The following STXBP5L variants were observed in gnomAD, a reference collection of about 807,000 sequenced individuals.
STXBP5L encodes the protein syntaxin-binding protein 5-like.
A neutral mutation model predicts 144.5 loss-of-function variants in STXBP5L; 65 were observed. The observed-to-expected ratio is 0.45, with a 90% CI of 0.37 to 0.55. The LOEUF is 0.55. Among genes scored for constraint, STXBP5L ranks in the 20% least tolerant of loss-of-function variants. The probability of loss-of-function intolerance (pLI) is 0.00; values close to 1 mark genes in which losing one functional copy is unlikely to be tolerated. For missense variants in STXBP5L, 1,298 were observed against 1,405.5 expected, an observed-to-expected ratio of 0.92 and a Z score of 1.22; for synonymous variants, 505 against 469.6, an observed-to-expected ratio of 1.08 and a Z score of -0.97.
chr3:121,081,730 G>A (rs2042257022), intron 5 of STXBP5L, among the ~76,000 whole-genome samples: 1 of 152,204 alleles, frequency 6.6e-6, no homozygotes, highest in African/African-American at 2.4e-5. Flanking sequence ...GCTAAGGCAG[G>A]TTGAGGAGAC....
At position 121,415,951 on chromosome 3, in the gene STXBP5L, T is replaced by C; in HGVS notation, c.3209T>C (p.Phe1070Ser). 6.2e-7 allele frequency: 1 copy of C among 1,612,958 alleles called. No homozygotes were observed. The highest frequency in any genetic ancestry group is 1.1e-5 in the South Asian group (1 of 90,964). The change falls in exon 25 of 27, where the codon TTT (phenylalanine) becomes TCT (serine). Residue 1070 changes from phenylalanine (F) to serine (S), a missense_variant. Phe to Ser is a radical substitution (Grantham distance 155, BLOSUM62 -2). Coordinates refer to ENST00000471454, the MANE Select transcript of STXBP5L (RefSeq NM_001308330.2). ...CTGTTTGGTGGAAGCGGACAAACAT[T>C]TGACAGAGAAGAGCTCTGTGAGTAA... ...KGLFGGSGQT[F>S]DREELFGEAS...
Position 121,320,701 on chromosome 3 carries a change from C to CT in STXBP5L, c.2176+2180dup, listed in dbSNP as rs533248342. Reference sequence around the variant, plus strand: ...ACCACCACAACGCACAACGACCACACTTTTTTTTTTTTTTTTTTTAGACGG... The same window carrying CT: ...ACCACCACAACGCACAACGACCACACTTTTTTTTTTTTTTTTTTTTAGACGG... On this transcript the variant is annotated intron_variant, in intron 20 of 26. Transcript: ENST00000471454. Among the ~76,000 whole-genome samples, 1,304 of 134,868 alleles carry CT rather than the reference C, an allele frequency of 9.7e-3. 9 individuals are homozygous for CT. Among genetic ancestry groups the CT allele is most frequent in the South Asian group, 0.012 (49 of 4,146 alleles). 88.5% of individuals were successfully genotyped at this position (134,868 alleles called of 152,430 possible).
intron 9 of STXBP5L, among the ~76,000 whole-genome samples, chr3:121,192,085 GA>G (rs1482917831): frequency 4.6e-5 from 7 of 152,094 alleles, no homozygotes; most frequent in Admixed American, 1.3e-4. Flanking sequence ...GCCTAGAACC[GA>G]AAGTATAATT....
chr3:121,107,029 A>G (rs895191840), intron 5 of STXBP5L, among the ~76,000 whole-genome samples: 4 of 151,598 alleles, frequency 2.6e-5, no homozygotes, highest in African/African-American at 4.8e-5. Flanking sequence ...TTTTGGACGC[A>G]TGGATGTTAT....
chr3:121,193,181 CA>C (rs998451717), intron 9 of STXBP5L, among the ~76,000 whole-genome samples: 1 of 142,754 alleles, frequency 7.0e-6, no homozygotes, highest in African/African-American at 2.6e-5. Context: ...AGACACTTCT[CA>C]AAAAAAGACA....
rs904523641 is a variant in STXBP5L at position 121,191,020 on chromosome 3, A to G, written c.878-14903A>G. Among the ~76,000 whole-genome samples, 4 of 142,238 alleles carry G rather than the reference A, an allele frequency of 2.8e-5. No homozygotes were observed. In the South Asian group the frequency reaches 9.3e-4, roughly 33 times the overall value. 93.3% of individuals were successfully genotyped at this position (142,238 alleles called of 152,430 possible). A position where few individuals can be genotyped will look rare whatever the true frequency, so the allele number is the denominator to read the frequency against. On this transcript the variant is annotated intron_variant, in intron 9 of 26. Transcript: ENST00000471454. ...AGACGCTCCTCACTTCCTAGACGGGATGACTGCTGGGAAGAGGCGCTCCTC... is the reference window on the plus strand; with the variant it reads ...AGACGCTCCTCACTTCCTAGACGGGGTGACTGCTGGGAAGAGGCGCTCCTC...
intron 10 of STXBP5L, among the ~76,000 whole-genome samples, chr3:121,216,043 G>A (rs893579647): frequency 6.6e-6 from 1 of 151,944 alleles, no homozygotes; most frequent in Non-Finnish European, 1.5e-5. Flanking sequence ...TCAGCTCCAA[G>A]GTCATTTATC....
intron 5 of STXBP5L, among the ~76,000 whole-genome samples, chr3:121,052,830 T>C (rs150731303): frequency 0.12 from 18,212 of 152,162 alleles, 1,146 homozygotes; most frequent in Non-Finnish European, 0.14. Flanking sequence ...ATGACATGAT[T>C]GTGTATCTAG....
chr3:121,396,632 G>C (rs1055353137), intron 22 of STXBP5L, among the ~76,000 whole-genome samples: 4 of 152,252 alleles, frequency 2.6e-5, no homozygotes, highest in Non-Finnish European at 5.9e-5. Flanking sequence ...TGTACCATTT[G>C]GTAAGTTGGG....
At chr3:120,929,538 T>C (rs1559881181) in intron 2 of STXBP5L, among the ~76,000 whole-genome samples, 1 of 152,216 alleles carries the variant, frequency 6.6e-6, no homozygotes, top group African/African-American at 2.4e-5. Context: ...CTTTTATTAC[T>C]GGAAATTTAA....
chr3:120,977,466 A>G (rs1941198799), intron 3 of STXBP5L, among the ~76,000 whole-genome samples: 1 of 152,180 alleles, frequency 6.6e-6, no homozygotes, highest in South Asian at 2.1e-4. Flanking sequence ...TTTCCTGAAT[A>G]CAGCACACTG....
intron 9 of STXBP5L, among the ~76,000 whole-genome samples, chr3:121,168,914 A>T (rs1246034835): frequency 6.6e-6 from 1 of 152,176 alleles, no homozygotes; most frequent in Non-Finnish European, 1.5e-5. Flanking sequence ...AAAATGAAGG[A>T]AAAAACATTA....
chr3:121,021,691 G>A (rs757176194), intron 3 of STXBP5L, among the ~76,000 whole-genome samples: 1 of 152,048 alleles, frequency 6.6e-6, no homozygotes, highest in Non-Finnish European at 1.5e-5. Flanking sequence ...AAATCAAGAG[G>A]AAAATTTAAA....
At chr3:121,075,645 G>A (rs536546921) in intron 5 of STXBP5L, among the ~76,000 whole-genome samples, 2 of 152,324 alleles carry the variant, frequency 1.3e-5, no homozygotes, top group East Asian at 3.9e-4. Context: ...GACTTGCAGA[G>A]TCTCTCATAA....
intron 3 of STXBP5L, among the ~76,000 whole-genome samples, chr3:121,025,998 A>T (rs536144539): frequency 2.1e-5 from 3 of 145,262 alleles, no homozygotes; most frequent in South Asian, 2.1e-4. Flanking sequence ...AGTATTATCA[A>T]TATATTATAT....
chr3:121,038,783 A>G (rs917964835), intron 3 of STXBP5L, among the ~76,000 whole-genome samples: 13 of 151,900 alleles, frequency 8.6e-5, no homozygotes, highest in Non-Finnish European at 1.6e-4. Context: ...AATTAGGTGT[A>G]TAATTTAGGA....
At chr3:121,143,381 T>A (rs1474620181) in intron 7 of STXBP5L, among the ~76,000 whole-genome samples, 2 of 145,772 alleles carry the variant, frequency 1.4e-5, no homozygotes, top group East Asian at 2.0e-4. Flanking sequence ...CACAAGAAAA[T>A]AAAACTGTAG....
intron 3 of STXBP5L, among the ~76,000 whole-genome samples, chr3:120,959,326 T>C (rs1938454806): frequency 6.6e-6 from 1 of 152,068 alleles, no homozygotes; most frequent in African/African-American, 2.4e-5. Context: ...GCCATACTGC[T>C]CAAGGTAATT....
chr3:121,242,914 C>T (rs2049716247), intron 14 of STXBP5L, among the ~76,000 whole-genome samples: 1 of 152,176 alleles, frequency 6.6e-6, no homozygotes, highest in Non-Finnish European at 1.5e-5. Context: ...ATTAGGACAA[C>T]TTCAGAAACC....
Sources: gnomAD v4.1 joint callset for allele counts (sites outside exome capture counted in the v4.1 genomes callset) on GRCh38, gnomAD v4.1.1 for gene constraint, MANE v1.5 for transcripts, NCBI Gene and HGNC (gene_info 2026-07-23, HGNC 2026-07-21) for gene names.